Variants in ITPR2 observed in about 807,000 individuals in gnomAD.
ITPR2 encodes the protein inositol 1,4,5-trisphosphate-gated calcium channel ITPR2.
ITPR2 carries 207 observed loss-of-function variants against 317.1 expected under a neutral mutation model. That is an observed-to-expected ratio of 0.65 (90% CI 0.58 to 0.73). The LOEUF (loss-of-function observed/expected upper bound fraction) is 0.73. Ranked by LOEUF, ITPR2 falls within the 30% of genes least tolerant of loss-of-function variation. The pLI, the probability that ITPR2 is intolerant of heterozygous loss-of-function variation, is 0.00. For missense variants in ITPR2, 2,613 were observed against 3,284.0 expected (o/e 0.80, Z 4.99); for synonymous variants, 1,156 against 1,149.1 (o/e 1.01, Z -0.12).
chr12:26,386,064 C>T (rs1331645158), intron 55 of ITPR2, among the ~76,000 whole-genome samples: 1 of 151,986 alleles, frequency 6.6e-6, no homozygotes, highest in Non-Finnish European at 1.5e-5. Flanking sequence ...GAAACTTACT[C>T]AAACTTTGAA....
At chr12:26,458,957 C>T (rs1334432233) in intron 45 of ITPR2, among the ~76,000 whole-genome samples, 2 of 152,170 alleles carry the variant, frequency 1.3e-5, no homozygotes, top group African/African-American at 2.4e-5. Flanking sequence ...GGGCCTTCCC[C>T]GATGAGAACT....
intron 2 of ITPR2, among the ~76,000 whole-genome samples, chr12:26,735,491 G>C (rs1949105789): frequency 6.6e-6 from 1 of 152,104 alleles, no homozygotes; most frequent in African/African-American, 2.4e-5. Flanking sequence ...AGAGAGGAGA[G>C]GGAGAGGGGG....
At chr12:26,355,935 ACTT>A (rs1938625191) in intron 55 of ITPR2, among the ~76,000 whole-genome samples, 2 of 152,194 alleles carry the variant, frequency 1.3e-5, no homozygotes, top group African/African-American at 4.8e-5. Flanking sequence ...TTCAGACTAA[ACTT>A]TCCCATTAGC....
intron 21 of ITPR2, among the ~76,000 whole-genome samples, chr12:26,634,884 CAAAAAAAA>C (rs55985706): frequency 8.5e-5 from 5 of 58,544 alleles, no homozygotes; most frequent in African/African-American, 2.7e-4. Flanking sequence ...GACTTCATCT[CAAAAAAAA>C]AAAAAAAAAA....
At chr12:26,346,161 C>G (rs769079281) in intron 55 of ITPR2, among the ~76,000 whole-genome samples, 6 of 152,220 alleles carry the variant, frequency 3.9e-5, no homozygotes, top group Non-Finnish European at 8.8e-5. Flanking sequence ...GATGAACCAT[C>G]ATGTCCCTGA....
chr12:26,372,363 C>G (rs1198356709), intron 55 of ITPR2, among the ~76,000 whole-genome samples: 2 of 152,194 alleles, frequency 1.3e-5, no homozygotes, highest in Non-Finnish European at 2.9e-5. Flanking sequence ...AACACTCATA[C>G]ATATTTTACA....
intron 4 of ITPR2, among the ~76,000 whole-genome samples, chr12:26,723,617 G>A (rs1948871887): frequency 6.6e-6 from 1 of 152,122 alleles, no homozygotes; most frequent in Non-Finnish European, 1.5e-5. Flanking sequence ...TGCCGACCCA[G>A]CTTCTCTCAT....
Position 26,715,781 on chromosome 12 carries a change from T to G in ITPR2, c.679A>C (p.Ser227Arg). The change falls in exon 7 of 57, where the codon AGT becomes CGT. Residue 227 changes from serine to arginine, a missense_variant. Ser to Arg is a moderately radical substitution (Grantham distance 110). Transcript: ENST00000381340. ...TTTAATACATCCTCTCGATAGGAAC[T>G]ATATTTCATGAATAAAGTGATTTTC... Reference protein sequence around the residue: ...SWKITLFMKYSSYREDVLKGG... With the variant: ...SWKITLFMKYRSYREDVLKGG... 1 of 1,608,900 alleles carries G rather than the reference T, an allele frequency of 6.2e-7. No homozygotes were observed. Among genetic ancestry groups the G allele is most frequent in the Non-Finnish European group, 8.5e-7 (1 of 1,175,742 alleles).
chr12:26,514,354 T>C (rs1943435061), intron 37 of ITPR2, among the ~76,000 whole-genome samples: 1 of 152,150 alleles, frequency 6.6e-6, no homozygotes, highest in African/African-American at 2.4e-5. Context: ...GTCCCGAAAA[T>C]GATTTACAGG....
intron 1 of ITPR2, among the ~76,000 whole-genome samples, chr12:26,824,091 C>T (rs1263096307): frequency 1.3e-5 from 2 of 152,128 alleles, no homozygotes; most frequent in Admixed American, 6.5e-5. Context: ...TACACCTAAC[C>T]TACCAAACAA....
At chr12:26,377,546 A>G (rs1244580161) in intron 55 of ITPR2, among the ~76,000 whole-genome samples, 2 of 152,180 alleles carry the variant, frequency 1.3e-5, no homozygotes, top group Non-Finnish European at 2.9e-5. Flanking sequence ...CTTCCTTCTA[A>G]AGGATGTCTT....
rs779684504 is a variant in ITPR2 at position 26,486,087 on chromosome 12, C to T, written c.5811+17G>A. On this transcript the variant is annotated intron_variant, in intron 41 of 56. Coordinates refer to ENST00000381340, the MANE Select transcript of ITPR2 (RefSeq NM_002223.4). Reference sequence around the variant, plus strand: ...ATAGGTTGTATTCTCAGCTTTCACACAAAACAGAACAAATACCTGCAATTC... The same window carrying T: ...ATAGGTTGTATTCTCAGCTTTCACATAAAACAGAACAAATACCTGCAATTC... The T allele has an allele frequency of 6.2e-7, 1 of 1,612,788 alleles. No homozygotes were observed. Among genetic ancestry groups the T allele is most frequent in the Non-Finnish European group, 8.5e-7 (1 of 1,178,972 alleles).
At chr12:26,375,532 CTG>C (rs771532219) in intron 55 of ITPR2, among the ~76,000 whole-genome samples, 113 of 152,320 alleles carry the variant, frequency 7.4e-4, no homozygotes, top group Non-Finnish European at 1.4e-3. Flanking sequence ...ACCATGAAAA[CTG>C]TTTTTCTCCT....
chr12:26,489,515 T>A (rs760447004), intron 39 of ITPR2, among the ~76,000 whole-genome samples: 11 of 152,204 alleles, frequency 7.2e-5, no homozygotes, highest in Non-Finnish European at 1.6e-4. Flanking sequence ...TAAGCTTGGG[T>A]CTATCTCAGT....
intron 48 of ITPR2, among the ~76,000 whole-genome samples, chr12:26,431,639 C>T (rs1369412725): frequency 6.6e-6 from 1 of 152,138 alleles, no homozygotes; most frequent in Non-Finnish European, 1.5e-5. Context: ...TGAAGAGTGC[C>T]CAACAGGCTG....
intron 25 of ITPR2, among the ~76,000 whole-genome samples, chr12:26,621,832 G>T (rs1946503212): frequency 6.6e-6 from 1 of 152,090 alleles, no homozygotes; most frequent in Non-Finnish European, 1.5e-5. Flanking sequence ...CAAAGAAAAA[G>T]ATTAGATCCA....
At chr12:26,504,522 T>C (rs1943143062) in intron 37 of ITPR2, among the ~76,000 whole-genome samples, 1 of 152,126 alleles carries the variant, frequency 6.6e-6, no homozygotes, top group Non-Finnish European at 1.5e-5. Flanking sequence ...TCATTGGTAA[T>C]CAAAGAAATG....
At chr12:26,758,580 T>C (rs909639666) in intron 2 of ITPR2, among the ~76,000 whole-genome samples, 1 of 152,236 alleles carries the variant, frequency 6.6e-6, no homozygotes, top group African/African-American at 2.4e-5. Flanking sequence ...TAAGGCCTCT[T>C]ATTAGAACAC....
At chr12:26,437,480 T>A (rs1941383592) in intron 47 of ITPR2, among the ~76,000 whole-genome samples, 1 of 152,166 alleles carries the variant, frequency 6.6e-6, no homozygotes, top group Non-Finnish European at 1.5e-5. Context: ...AACATCTGCA[T>A]CTCCATCATT....
Sources: gnomAD v4.1 joint callset for allele counts (sites outside exome capture counted in the v4.1 genomes callset) on GRCh38, gnomAD v4.1.1 for gene constraint, MANE v1.5 for transcripts, NCBI Gene and HGNC (gene_info 2026-07-23, HGNC 2026-07-21) for gene names.